UBQLN1: variants seen among roughly 807,000 people sequenced by gnomAD.
The protein encoded by UBQLN1 is ubiquilin 1.
Under a neutral mutation model 65.4 loss-of-function variants are expected in UBQLN1, and 13 were observed. The ratio of observed to expected loss-of-function variants is 0.20; its 90% CI spans 0.13 to 0.32. The LOEUF (loss-of-function observed/expected upper bound fraction) is 0.32. Ranked by LOEUF, UBQLN1 falls within the 10% of genes least tolerant of loss-of-function variation. The pLI is 1.00. For synonymous variants in UBQLN1, 267 were observed against 247.8 expected, an observed-to-expected ratio of 1.08 and a Z score of -0.73; for missense variants, 561 against 724.0, an observed-to-expected ratio of 0.77 and a Z score of 2.58.
At chr9:83,697,976 T>TCC (rs1410378323) in intron 1 of UBQLN1, among the ~76,000 whole-genome samples, 1 of 152,100 alleles carries the variant, frequency 6.6e-6, no homozygotes. Flanking sequence ...CCTCATGTGA[T>TCC]CCACCCGCCT....
intron 6 of UBQLN1, among the ~76,000 whole-genome samples, chr9:83,676,986 A>T (rs908327651): frequency 1.3e-5 from 2 of 152,216 alleles, no homozygotes; most frequent in African/African-American, 4.8e-5. Flanking sequence ...CACACATGAG[A>T]ATCTGCTTCA....
At chr9:83,698,913 A>G (rs1832265682) in intron 1 of UBQLN1, among the ~76,000 whole-genome samples, 1 of 83,178 alleles carries the variant, frequency 1.2e-5, no homozygotes, top group African/African-American at 7.0e-5. Context: ...GACCTGTCTC[A>G]AAAAAAAAAA....
At chr9:83,693,019 T>C (rs958123226) in intron 1 of UBQLN1, among the ~76,000 whole-genome samples, 2 of 152,308 alleles carry the variant, frequency 1.3e-5, no homozygotes, top group East Asian at 1.9e-4. Flanking sequence ...AGATACATGA[T>C]AGAACGGGCC....
At chr9:83,697,740 T>C (rs1231790061) in intron 1 of UBQLN1, among the ~76,000 whole-genome samples, 12 of 142,460 alleles carry the variant, frequency 8.4e-5, no homozygotes, top group Admixed American at 7.6e-4. Context: ...ACCCTTTTTT[T>C]TTTTTTTTTT....
At chr9:83,676,074 C>A (rs1045242950) in intron 6 of UBQLN1, among the ~76,000 whole-genome samples, 24 of 152,170 alleles carry the variant, frequency 1.6e-4, no homozygotes, top group African/African-American at 5.8e-4. Context: ...CCTGCTCTAA[C>A]ACTTCCTTAC....
rs190015554 is a variant in UBQLN1, at chr9:83,668,309, T to A, written c.1248+876A>T. On this transcript the variant is annotated intron_variant, in intron 7 of 10. Coordinates refer to ENST00000376395, the MANE Select transcript of UBQLN1 (RefSeq NM_013438.5). Reference sequence around the variant, plus strand: ...AGAAAATAAAAACCATTCATTTGACTTAAAGCTTTTAAAATTTAAGGGATG... The same window carrying A: ...AGAAAATAAAAACCATTCATTTGACATAAAGCTTTTAAAATTTAAGGGATG... 149 of 985,034 alleles carry A rather than the reference T, an allele frequency of 1.5e-4. 2 individuals are homozygous for A. The East Asian group carries it at 0.012, about 79-fold the overall frequency. 61.0% of individuals were successfully genotyped at this position (985,034 alleles called of 1,614,324 possible).
chr9:83,662,275 C>CAT (rs1163076229), intron 10 of UBQLN1, among the ~76,000 whole-genome samples: 1 of 34,266 alleles, frequency 2.9e-5, no homozygotes, highest in Non-Finnish European at 7.3e-5. Context: ...TATACATATA[C>CAT]ACACACACAC....
At position 83,677,875 on chromosome 9, in the gene UBQLN1, T is replaced by C. The variant is rs370508683; in HGVS notation, c.957A>G (p.Pro319=). ...SQPSRTENRD[P]LPNPWAPQTS... is the part of the protein sequence containing the mutation. ...TCTGTGGAGCCCATGGATTGGGTAG[T>C]GGATCTCTATTTTCTGTACGGGAAG... Residue 319 remains proline (P), a synonymous_variant, in exon 6 of 11, where the codon CCA becomes CCG. Transcript: ENST00000376395. 50 of 1,614,134 alleles carry C rather than the reference T, an allele frequency of 3.1e-5. No individual in the cohort carries two copies. The African/African-American group carries it at 5.1e-4, about 16-fold the overall frequency.
chr9:83,678,638 ATTGAAAT>A (rs1189554880), intron 4 of UBQLN1, 39 bp from the exon 5 acceptor site: 1 of 1,572,524 alleles, frequency 6.4e-7, no homozygotes, highest in South Asian at 1.2e-5. Flanking sequence ...AAAAAAAGGC[ATTGAAAT>A]ACACATGAAT....
intron 3 of UBQLN1, among the ~76,000 whole-genome samples, chr9:83,681,052 T>C (rs1831932077): frequency 1.3e-5 from 2 of 152,168 alleles, no homozygotes; most frequent in Non-Finnish European, 2.9e-5. Context: ...CACCAGACTA[T>C]GCTTCTAATA....
Position 83,707,489 on chromosome 9 carries a change from G to C in UBQLN1, c.180+11C>G, listed in dbSNP as rs1832432227. 1.2e-6 allele frequency: 2 copies of C among 1,602,174 alleles called. No individual in the cohort carries two copies. The highest frequency in any genetic ancestry group is 1.7e-6 in the Non-Finnish European group (2 of 1,175,440). ...CACCCCCATCCCGGCCCGAGCCCCAGGCGGCCTCACCTGCTGGACGGAGCT... is the reference window on the plus strand; with the variant it reads ...CACCCCCATCCCGGCCCGAGCCCCACGCGGCCTCACCTGCTGGACGGAGCT... On this transcript the variant is annotated intron_variant, in intron 1 of 10. Transcript: ENST00000376395.
chr9:83,704,293 T>C (rs1424655780), intron 1 of UBQLN1, among the ~76,000 whole-genome samples: 1 of 152,258 alleles, frequency 6.6e-6, no homozygotes, highest in African/African-American at 2.4e-5. Flanking sequence ...TCTTTTGTGC[T>C]TCAAGTAGAT....
intron 1 of UBQLN1, among the ~76,000 whole-genome samples, chr9:83,692,895 A>G (rs929939499): frequency 3.3e-5 from 5 of 152,170 alleles, no homozygotes; most frequent in African/African-American, 1.2e-4. Context: ...ATTTTCATCT[A>G]GGGAATAGCC....
intron 10 of UBQLN1, among the ~76,000 whole-genome samples, chr9:83,662,812 GC>G (rs1831581961): frequency 6.6e-6 from 1 of 152,230 alleles, no homozygotes; most frequent in Non-Finnish European, 1.5e-5. Context: ...CCAGGCTCAC[GC>G]CTGTAATCCC....
At chr9:83,669,098 A>C in intron 7 of UBQLN1, 87 bp downstream of exon 7, 1 of 1,484,288 alleles carries the variant, frequency 6.7e-7, no homozygotes, top group African/African-American at 1.4e-5. Context: ...TATCATACAC[A>C]ACACAAATGT....
intron 7 of UBQLN1, chr9:83,667,559 G>A (rs1831661777): frequency 1.0e-6 from 1 of 985,420 alleles, no homozygotes; most frequent in Non-Finnish European, 1.2e-6. Context: ...TTCACAGTAA[G>A]TAAACTCATA....
chr9:83,665,249 A>C, intron 8 of UBQLN1, 104 bp from the exon 9 acceptor site: 1 of 693,174 alleles, frequency 1.4e-6, no homozygotes, highest in Non-Finnish European at 2.3e-6. Flanking sequence ...CTAAAACCTT[A>C]CTCCTGGACA....
chr9:83,679,023 G>A (rs1831893771), intron 4 of UBQLN1, among the ~76,000 whole-genome samples: 1 of 152,090 alleles, frequency 6.6e-6, no homozygotes, highest in Non-Finnish European at 1.5e-5. Context: ...GCCCGGCCAG[G>A]AGGCCACTGT....
In UBQLN1 at chr9:83,685,854, T is replaced by C. The variant is rs1832032079; in HGVS notation, c.332+150A>G. ...TAAGCATTAACATGGAATCACACTTTTTAAAAAAATTGTTATCGACAGCAA... is the reference window on the plus strand; with the variant it reads ...TAAGCATTAACATGGAATCACACTTCTTAAAAAAATTGTTATCGACAGCAA... On this transcript the variant is annotated intron_variant, in intron 2 of 10. Transcript: ENST00000376395. The C allele has an allele frequency of 9.2e-6, 6 of 655,454 alleles. 1 individual carries two copies. 40.6% of individuals were successfully genotyped at this position (655,454 alleles called of 1,614,324 possible).
Sources: allele counts gnomAD v4.1 joint callset (sites outside exome capture counted in the v4.1 genomes callset), GRCh38; gene constraint gnomAD v4.1.1; transcripts MANE v1.5; gene names NCBI Gene and HGNC (gene_info 2026-07-23, HGNC 2026-07-21).